The following TLL2 variants were observed in gnomAD, a reference collection of about 807,000 sequenced individuals.
The protein encoded by TLL2 is tolloid like 2, also known as tolloid-like protein 2.
TLL2 carries 106 observed loss-of-function variants against 123.0 expected under a neutral mutation model. The observed-to-expected ratio is 0.86, with a 90% CI of 0.74 to 1.01. The LOEUF (loss-of-function observed/expected upper bound fraction) is 1.01, where lower values mean the gene tolerates loss of function less well. TLL2 is among the 50% of genes least tolerant of loss of function. The pLI, the probability that TLL2 is intolerant of heterozygous loss-of-function variation, is 0.00. For synonymous variants in TLL2, 494 were observed against 516.8 expected (o/e 0.96, Z 0.60); for missense variants, 1,332 against 1,336.7 (o/e 1.00, Z 0.06).
chr10:96,427,531 C>T (rs1309589521), intron 5 of TLL2, among the ~76,000 whole-genome samples: 1 of 152,154 alleles, frequency 6.6e-6, no homozygotes, highest in Non-Finnish European at 1.5e-5. Flanking sequence ...AGACTTATGA[C>T]AGTTATATTC....
chr10:96,391,487 C>T (rs1846287625), intron 13 of TLL2, among the ~76,000 whole-genome samples: 1 of 152,158 alleles, frequency 6.6e-6, no homozygotes, highest in Non-Finnish European at 1.5e-5. Context: ...AAAATTCCAC[C>T]CCCTTCACGT....
Position 96,409,622 on chromosome 10 carries a change from A to G in TLL2, c.1164+737T>C, listed in dbSNP as rs535190800. ...ATGGATATAACAGTACGTGCCCTGC[A>G]GTAGGGTTGAAAACATACCACCCTT... is the stretch of plus-strand genomic sequence containing the variant. On this transcript the variant is annotated intron_variant, in intron 9 of 20. Coordinates refer to ENST00000357947, the MANE Select transcript of TLL2 (RefSeq NM_012465.4). Among the ~76,000 whole-genome samples the G allele has an allele frequency of 5.8e-4, 89 of 152,350 alleles. 1 individual carries two copies. Among genetic ancestry groups the G allele is most frequent in the African/African-American group, 2.1e-3 (86 of 41,576 alleles).
intron 1 of TLL2, among the ~76,000 whole-genome samples, chr10:96,498,767 G>A (rs1265714441): frequency 6.6e-6 from 1 of 152,120 alleles, no homozygotes; most frequent in African/African-American, 2.4e-5. Flanking sequence ...CCATGCCCGT[G>A]ATGATTTGAG....
intron 4 of TLL2, among the ~76,000 whole-genome samples, chr10:96,431,942 A>AG (rs983101940): frequency 2.6e-4 from 39 of 152,054 alleles, no homozygotes; most frequent in African/African-American, 8.0e-4. Context: ...GGGGCCTATG[A>AG]GGGGGGCACG....
In TLL2 at chr10:96,373,489, G is replaced by C. The variant is rs149042153; in HGVS notation, c.2662+107C>G. ...TTTTATCACGCACCTTCCTCCCCTCGCCCTCCCCCAGTCAGAATAAAAGGC... is the reference window on the plus strand; with the variant it reads ...TTTTATCACGCACCTTCCTCCCCTCCCCCTCCCCCAGTCAGAATAAAAGGC... On this transcript the variant is annotated intron_variant, in intron 19 of 20. Transcript: ENST00000357947. The C allele has an allele frequency of 3.4e-4, 367 of 1,070,386 alleles. 3 individuals carry two copies. In the East Asian group the frequency reaches 8.8e-3, roughly 26 times the overall value. 66.3% of individuals were successfully genotyped at this position (1,070,386 alleles called of 1,614,324 possible). A position where few individuals can be genotyped will look rare whatever the true frequency, so the allele number is the denominator to read the frequency against.
chr10:96,410,523 G>C, intron 8 of TLL2, 49 bp from the exon 9 acceptor site: 1 of 1,461,978 alleles, frequency 6.8e-7, no homozygotes, highest in African/African-American at 1.4e-5. Flanking sequence ...ACCTCTCCCC[G>C]CCCAAGCAGC....
Position 96,422,704 on chromosome 10 carries a change from C to T in TLL2, c.662G>A (p.Arg221Gln), listed in dbSNP as rs371145521. 23 of 1,614,086 alleles carry T rather than the reference C, an allele frequency of 1.4e-5. No homozygotes were observed. The highest frequency in any genetic ancestry group is 1.3e-4 in the Admixed American group (8 of 60,002). The change falls in exon 6 of 21, where the codon CGA becomes CAA. Residue 221 changes from arginine to glutamine, a missense_variant. Arg to Gln is a conservative substitution (Grantham distance 43). Transcript: ENST00000357947. ...GGATATGGCCTGTGGGCCTCCTCCT[C>T]GGCGCCCAACATAGGAGCAACAGCT... ...TCGCCSYVGR[R>Q]GGGPQAISIG...
intron 13 of TLL2, among the ~76,000 whole-genome samples, 180 bp downstream of exon 13, chr10:96,395,007 C>T (rs1271355339): frequency 1.3e-5 from 2 of 152,252 alleles, no homozygotes; most frequent in African/African-American, 4.8e-5. Flanking sequence ...GCTGAGCCTG[C>T]TCCTGATCAG....
chr10:96,467,439 C>T (rs1256448211), intron 2 of TLL2, among the ~76,000 whole-genome samples: 2 of 152,036 alleles, frequency 1.3e-5, no homozygotes, highest in Non-Finnish European at 2.9e-5. Flanking sequence ...TGCTATGTTC[C>T]CCAGGCTGGT....
At position 96,397,321 on chromosome 10, in the gene TLL2, A is replaced by G. The variant is rs776653663; in HGVS notation, c.1268-19T>C. On this transcript the variant is annotated intron_variant, in intron 10 of 20. Transcript: ENST00000357947. ...AACCTGCCTGGAAAGTGGAAAAAGA[A>G]GCAGTTAGGAGCCCTGGGGACAGCA... 1.3e-6 allele frequency: 2 copies of G among 1,597,752 alleles called. No homozygotes were observed. The highest frequency in any genetic ancestry group is 2.2e-5 in the South Asian group (2 of 89,266).
chr10:96,471,468 A>G (rs1847182929), intron 2 of TLL2, among the ~76,000 whole-genome samples: 1 of 152,186 alleles, frequency 6.6e-6, no homozygotes, highest in South Asian at 2.1e-4. Context: ...AGACTTGGAC[A>G]CTTAGGAAGC....
chr10:96,413,786 A>G (rs926316461), intron 7 of TLL2, among the ~76,000 whole-genome samples: 2 of 152,162 alleles, frequency 1.3e-5, no homozygotes, highest in Non-Finnish European at 2.9e-5. Flanking sequence ...AGGTTGATGA[A>G]TTGGTGGTCC....
rs1268855524 is a variant in TLL2 at position 96,367,973 on chromosome 10, T to C, written c.*115A>G. On this transcript the variant is annotated 3_prime_UTR_variant, in exon 21 of 21. Transcript: ENST00000357947. Reference sequence around the variant, plus strand: ...CCTCTAAGGCTGGATTCTGAGTTTTTGTTTGAGAAAAATACTGTACACTGT... The same window carrying C: ...CCTCTAAGGCTGGATTCTGAGTTTTCGTTTGAGAAAAATACTGTACACTGT... The C allele has an allele frequency of 1.1e-5, 14 of 1,313,212 alleles. No homozygotes were observed. The highest frequency in any genetic ancestry group is 5.1e-5 in the Admixed American group (2 of 39,172). The allele number at this position is 1,313,212 out of a possible 1,614,324, so 81.3% of individuals were successfully genotyped here. A position where few individuals can be genotyped will look rare whatever the true frequency, so the allele number is the denominator to read the frequency against.
At chr10:96,505,267 C>T (rs959243297) in intron 1 of TLL2, among the ~76,000 whole-genome samples, 6 of 152,118 alleles carry the variant, frequency 3.9e-5, no homozygotes, top group African/African-American at 1.2e-4. Flanking sequence ...CTCACCATCA[C>T]GAGAACAGCA....
chr10:96,412,677 A>G (rs1846518432), intron 8 of TLL2, among the ~76,000 whole-genome samples: 2 of 152,274 alleles, frequency 1.3e-5, no homozygotes, highest in South Asian at 2.1e-4. Flanking sequence ...GGAAAGCCCC[A>G]AGACCAAAGC....
intron 6 of TLL2, 152 bp from the exon 7 acceptor site, chr10:96,421,213 T>C (rs1846617786): frequency 1.6e-6 from 1 of 609,876 alleles, no homozygotes. Flanking sequence ...CTTGTTGTTT[T>C]TAATAATTAG....
chr10:96,395,882 G>C lies in TLL2; in HGVS notation c.1523C>G (p.Ala508Gly). The C allele has an allele frequency of 6.2e-7, 1 of 1,614,198 alleles. No homozygotes were observed. Among genetic ancestry groups the C allele is most frequent in the Non-Finnish European group, 8.5e-7 (1 of 1,180,032 alleles). Reference sequence around the variant, plus strand: ...GGTCTGAGCAGCACTCACCTCAAAAGCTTGGAAGGTAAGTCCCACGTGAAA... The same window carrying C: ...GGTCTGAGCAGCACTCACCTCAAAACCTTGGAAGGTAAGTCCCACGTGAAA... Reference protein sequence around the residue: ...EGFHVGLTFQAFEIERHDSCA... With the variant: ...EGFHVGLTFQGFEIERHDSCA... The change falls in exon 12 of 21, where the codon GCT becomes GGT. Residue 508 changes from alanine to glycine, a missense_variant. Transcript: ENST00000357947.
intron 2 of TLL2, among the ~76,000 whole-genome samples, chr10:96,465,167 A>G (rs1847116465): frequency 6.6e-6 from 1 of 152,246 alleles, no homozygotes; most frequent in Admixed American, 6.5e-5. Context: ...TTTGCGGGAC[A>G]GATGTCAGCT....
At chr10:96,513,096 G>A (rs1419246687) in intron 1 of TLL2, among the ~76,000 whole-genome samples, 1 of 152,238 alleles carries the variant, frequency 6.6e-6, no homozygotes, top group Non-Finnish European at 1.5e-5. Flanking sequence ...TAAAAATGCT[G>A]TGAAATCGGA....
Sources: allele counts gnomAD v4.1 joint callset (sites outside exome capture counted in the v4.1 genomes callset), GRCh38; gene constraint gnomAD v4.1.1; transcripts MANE v1.5; gene names NCBI Gene and HGNC (gene_info 2026-07-23, HGNC 2026-07-21).